Variants in PRKCB observed in about 807,000 individuals in gnomAD.
PRKCB encodes the protein protein kinase C beta type.
PRKCB carries 13 observed loss-of-function variants against 81.5 expected under a neutral mutation model. The ratio of observed to expected loss-of-function variants is 0.16; its 90% CI spans 0.10 to 0.25. The LOEUF is 0.25. PRKCB is among the 10% of genes least tolerant of loss of function. PRKCB has a pLI of 1.00. For synonymous variants in PRKCB, 335 were observed against 321.4 expected, an observed-to-expected ratio of 1.04 and a Z score of -0.45; for missense variants, 509 against 875.7, an observed-to-expected ratio of 0.58 and a Z score of 5.29.
intron 3 of PRKCB, among the ~76,000 whole-genome samples, chr16:24,014,332 T>A (rs1418306704): frequency 6.6e-6 from 1 of 152,106 alleles, no homozygotes; most frequent in Non-Finnish European, 1.5e-5. Flanking sequence ...TTATTTATAA[T>A]GTGGGTGTGA....
intron 10 of PRKCB, among the ~76,000 whole-genome samples, chr16:24,170,290 A>C (rs1351664112): frequency 2.6e-5 from 4 of 152,098 alleles, no homozygotes; most frequent in Non-Finnish European, 5.9e-5. Context: ...ATAACCATCA[A>C]GTTCAAAATA....
chr16:24,093,072 T>G lies in PRKCB; in HGVS notation c.686+125T>G, dbSNP rs1375114190. On this transcript the variant is annotated intron_variant, in intron 6 of 16. Coordinates refer to ENST00000643927, the MANE Select transcript of PRKCB (RefSeq NM_002738.7). ...TTCCCTACCTCCCTCCTTTTCTGTCTTCTCCATCCCTCACTCCTATCTTTC... is the reference window on the plus strand; with the variant it reads ...TTCCCTACCTCCCTCCTTTTCTGTCGTCTCCATCCCTCACTCCTATCTTTC... The G allele has an allele frequency of 7.7e-6, 8 of 1,035,290 alleles. No individual in the cohort carries two copies. In the South Asian group the frequency reaches 1.5e-4, roughly 19 times the overall value. The allele number at this position is 1,035,290 out of a possible 1,614,324, so 64.1% of individuals were successfully genotyped here.
chr16:23,870,683 C>T (rs1418406775), intron 2 of PRKCB, among the ~76,000 whole-genome samples: 1 of 152,240 alleles, frequency 6.6e-6, no homozygotes, highest in Non-Finnish European at 1.5e-5. Context: ...GTAGGTTGAT[C>T]AGGACCCTGG....
intron 2 of PRKCB, among the ~76,000 whole-genome samples, chr16:23,838,088 G>A (rs1478309439): frequency 3.3e-5 from 5 of 152,162 alleles, no homozygotes; most frequent in Non-Finnish European, 5.9e-5. Context: ...CACGTGTAAA[G>A]TGTCCCCCTC....
intron 2 of PRKCB, among the ~76,000 whole-genome samples, chr16:23,954,717 G>A (rs1315790114): frequency 6.6e-6 from 1 of 152,190 alleles, no homozygotes; most frequent in African/African-American, 2.4e-5. Flanking sequence ...CCCATCTGAA[G>A]TTGGGAATAA....
At chr16:24,016,606 C>G (rs1421786800) in intron 3 of PRKCB, among the ~76,000 whole-genome samples, 1 of 152,068 alleles carries the variant, frequency 6.6e-6, no homozygotes, top group East Asian at 1.9e-4. Context: ...TTGAAAAAAT[C>G]CCAGTTAAAA....
intron 2 of PRKCB, among the ~76,000 whole-genome samples, chr16:23,892,361 GTA>G (rs1963308770): frequency 6.6e-6 from 1 of 152,190 alleles, no homozygotes; most frequent in Non-Finnish European, 1.5e-5. Flanking sequence ...TCAGGATGCA[GTA>G]TCAGCTGATT....
intron 5 of PRKCB, among the ~76,000 whole-genome samples, chr16:24,044,617 C>A (rs1274554148): frequency 6.6e-6 from 1 of 152,228 alleles, no homozygotes; most frequent in African/African-American, 2.4e-5. Flanking sequence ...GGTTGCCAAA[C>A]TGGCCTGCTG....
chr16:24,112,365 C>CA (rs1227150136), intron 7 of PRKCB, among the ~76,000 whole-genome samples: 4 of 152,074 alleles, frequency 2.6e-5, no homozygotes, highest in African/African-American at 7.2e-5. Context: ...CCCATCTCTA[C>CA]AAAAAAATTT....
intron 3 of PRKCB, among the ~76,000 whole-genome samples, chr16:24,006,328 G>C (rs1410122345): frequency 6.6e-6 from 1 of 152,218 alleles, no homozygotes; most frequent in African/African-American, 2.4e-5. Context: ...TTTTTGTGGT[G>C]CAGTTCTAAA....
At chr16:24,092,703 G>T in intron 5 of PRKCB, 88 bp from the exon 6 acceptor site, 1 of 1,314,454 alleles carries the variant, frequency 7.6e-7, no homozygotes, top group South Asian at 1.4e-5. Context: ...TGATGCCAAA[G>T]AACCTTCCAC....
intron 2 of PRKCB, chr16:23,869,130 T>C (rs1311608056): frequency 2.2e-6 from 1 of 453,822 alleles, no homozygotes; most frequent in Non-Finnish European, 4.4e-6. Context: ...CACACTTTCC[T>C]TCCCACTGAT....
At chr16:23,907,149 C>T (rs1427843982) in intron 2 of PRKCB, among the ~76,000 whole-genome samples, 17 of 152,088 alleles carry the variant, frequency 1.1e-4, no homozygotes, top group Admixed American at 1.0e-3. Flanking sequence ...TGGTCTCTAC[C>T]CAGTATACAC....
At chr16:23,963,230 A>T (rs1173326761) in intron 2 of PRKCB, 1 of 152,206 alleles carries the variant, frequency 6.6e-6, no homozygotes, top group East Asian at 1.9e-4. Context: ...CTGTTTTCTC[A>T]TCTCTAAAAT....
chr16:24,181,785 A>AAAAAAAAAAAAAAAAG, intron 13 of PRKCB, among the ~76,000 whole-genome samples: 1 of 149,908 alleles, frequency 6.7e-6, no homozygotes, highest in African/African-American at 2.4e-5. Flanking sequence ...AAAAAAAAAA[A>AAAAAAAAAAAAAAAAG]AAAAAAGAAG....
chr16:23,956,082 A>C lies in PRKCB; in HGVS notation c.206-32426A>C, dbSNP rs7192177. On this transcript the variant is annotated intron_variant, in intron 2 of 16. Transcript: ENST00000643927. The stretch of plus-strand genomic sequence containing the variant: ...GAAATTTTTATAAATATAAGACTTT[A>C]TTACGAATAAACAAAAAAAGAGATC... 5.0e-3 allele frequency among the ~76,000 whole-genome samples: 762 copies of C among 152,280 alleles called. 11 individuals are homozygous for C. The highest frequency in any genetic ancestry group is 0.017 in the African/African-American group (686 of 41,558).
chr16:24,148,687 G>T (rs995114009), intron 9 of PRKCB, among the ~76,000 whole-genome samples: 3 of 152,174 alleles, frequency 2.0e-5, no homozygotes, highest in Admixed American at 6.5e-5. Context: ...AGCCATTTTT[G>T]ATCATGTGGT....
intron 9 of PRKCB, among the ~76,000 whole-genome samples, chr16:24,133,804 C>A (rs1211804935): frequency 6.6e-6 from 1 of 152,052 alleles, no homozygotes; most frequent in Non-Finnish European, 1.5e-5. Context: ...AAGAAGGAGG[C>A]GGGACCTTGA....
rs994447024 is a variant in PRKCB, at chr16:23,841,980, A to G, written c.205+4574A>G. On this transcript the variant is annotated intron_variant, in intron 2 of 16. Coordinates refer to ENST00000643927, the MANE Select transcript of PRKCB (RefSeq NM_002738.7). ...CAAATACATATTTTTTAATTTTAAA[A>G]TTTTTTGTAGAGATAGTGGATCTTG... is the stretch of plus-strand genomic sequence containing the variant. 4.6e-5 allele frequency among the ~76,000 whole-genome samples: 7 copies of G among 152,022 alleles called. No individual in the cohort carries two copies. The South Asian group carries it at 1.5e-3, about 32-fold the overall frequency.
Sources: gnomAD v4.1 joint callset for allele counts (sites outside exome capture counted in the v4.1 genomes callset) on GRCh38, gnomAD v4.1.1 for gene constraint, MANE v1.5 for transcripts, NCBI Gene and HGNC (gene_info 2026-07-23, HGNC 2026-07-21) for gene names.